CRACR2A: variants seen among roughly 807,000 people sequenced by gnomAD.
CRACR2A encodes EF-hand calcium-binding domain-containing protein 4B.
Under a neutral mutation model 90.5 loss-of-function variants are expected in CRACR2A, and 79 were observed. The observed-to-expected ratio is 0.87, with a 90% confidence interval of 0.73 to 1.05. The LOEUF (loss-of-function observed/expected upper bound fraction) is 1.05, where lower values mean the gene tolerates loss of function less well. Ranked by LOEUF, CRACR2A falls within the 50% of genes least tolerant of loss-of-function variation. The pLI is 0.00. For missense variants in CRACR2A, 823 were observed against 897.2 expected (o/e 0.92, Z 1.06); for synonymous variants, 338 against 356.7 (o/e 0.95, Z 0.59).
At chr12:3,653,261 G>T (rs866337143) in intron 10 of CRACR2A, among the ~76,000 whole-genome samples, 4 of 152,182 alleles carry the variant, frequency 2.6e-5, no homozygotes, top group African/African-American at 9.7e-5. Context: ...GATTACAGGC[G>T]TGAGCCACCG....
Position 3,648,611 on chromosome 12 carries a change from T to A in CRACR2A, c.1049A>T (p.Glu350Val), listed in dbSNP as rs141677632. 6.2e-7 allele frequency: 1 copy of A among 1,612,986 alleles called. No homozygotes were observed. Reference protein sequence around the residue: ...ACKLHQEKEMEVYRVTESLQR... With the variant: ...ACKLHQEKEMVVYRVTESLQR... ...TAGACTCTCCGTCACACGGTACACTTCCCTGAGGAGGAGGCAAACACATGG... is the reference window on the plus strand; with the variant it reads ...TAGACTCTCCGTCACACGGTACACTACCCTGAGGAGGAGGCAAACACATGG... Residue 350 changes from glutamate (E) to valine (V), a missense_variant and splice_region_variant, in exon 11 of 20, where the codon GAA becomes GTA. Transcript: ENST00000440314.
chr12:3,722,568 A>C (rs74370826), intron 2 of CRACR2A, among the ~76,000 whole-genome samples: 1,828 of 152,218 alleles, frequency 0.012, 42 homozygotes, highest in African/African-American at 0.041. Flanking sequence ...GGTAGCACTT[A>C]CAGCTGAGGG....
At chr12:3,740,355 TAA>T (rs72435936) in intron 1 of CRACR2A, among the ~76,000 whole-genome samples, 23,872 of 152,044 alleles carry the variant, frequency 0.16, 2,064 homozygotes, top group African/African-American at 0.2. Context: ...GGGAAACAGA[TAA>T]AGTCAGAGTG....
intron 2 of CRACR2A, among the ~76,000 whole-genome samples, chr12:3,720,141 A>AAAAG (rs748158240): frequency 1.6e-5 from 2 of 128,184 alleles, no homozygotes; most frequent in Non-Finnish European, 3.3e-5. Flanking sequence ...AAAGAAAAAG[A>AAAAG]AAAGAAAGAA....
intron 10 of CRACR2A, 59 bp downstream of exon 10, chr12:3,654,153 G>A (rs749670165): frequency 9.5e-6 from 15 of 1,575,966 alleles, no homozygotes; most frequent in Non-Finnish European, 1.3e-5. Flanking sequence ...GAGGGGACAT[G>A]CCCATAGTGG....
intron 12 of CRACR2A, among the ~76,000 whole-genome samples, chr12:3,642,809 C>T (rs1944597758): frequency 6.6e-6 from 1 of 152,162 alleles, no homozygotes; most frequent in Non-Finnish European, 1.5e-5. Flanking sequence ...AGATGTCTTC[C>T]AGGAGATGAG....
intron 2 of CRACR2A, chr12:3,729,925 C>A (rs974779165): frequency 1.3e-5 from 2 of 152,240 alleles, no homozygotes; most frequent in African/African-American, 4.8e-5. Context: ...TGGAGCAACA[C>A]TTCTGACTGT....
intron 13 of CRACR2A, among the ~76,000 whole-genome samples, chr12:3,639,275 A>G (rs1445443484): frequency 6.6e-6 from 1 of 152,072 alleles, no homozygotes; most frequent in African/African-American, 2.4e-5. Context: ...AGAGGCCTAA[A>G]TATCTTCTAG....
intron 4 of CRACR2A, among the ~76,000 whole-genome samples, chr12:3,680,557 T>G (rs1945429365): frequency 6.6e-6 from 1 of 152,264 alleles, no homozygotes; most frequent in Non-Finnish European, 1.5e-5. Context: ...TGCCTACGAA[T>G]GTACTAGGCC....
intron 12 of CRACR2A, among the ~76,000 whole-genome samples, chr12:3,643,908 A>AT (rs1944635004): frequency 9.1e-6 from 1 of 110,120 alleles, no homozygotes; most frequent in Non-Finnish European, 1.8e-5. Flanking sequence ...TATATTATAT[A>AT]TATTTATATT....
intron 17 of CRACR2A, among the ~76,000 whole-genome samples, chr12:3,626,789 G>A (rs993218414): frequency 1.3e-5 from 2 of 151,982 alleles, no homozygotes; most frequent in Non-Finnish European, 2.9e-5. Flanking sequence ...TGTACAAAAC[G>A]ACATACTGCA....
rs571805309 is a variant in CRACR2A, at chr12:3,678,781, C to T, written c.524+134G>A. The T allele has an allele frequency of 2.1e-4, 187 of 877,468 alleles. 2 individuals are homozygous for T. The highest frequency in any genetic ancestry group is 2.8e-4 in the Non-Finnish European group (165 of 593,660). The allele number at this position is 877,468 out of a possible 1,614,324, so 54.4% of individuals were successfully genotyped here. On this transcript the variant is annotated intron_variant, in intron 6 of 19. Coordinates refer to ENST00000440314, the MANE Select transcript of CRACR2A (RefSeq NM_001144958.2). The stretch of plus-strand genomic sequence containing the variant: ...GACAGGCCCCCACTGGCAGAACCAG[C>T]GGGCCTTTACCTGCACTGCATTCCA...
Position 3,633,938 on chromosome 12 carries a change from C to T in CRACR2A, c.1603-202G>A, listed in dbSNP as rs779139042. 3.9e-5 allele frequency among the ~76,000 whole-genome samples: 6 copies of T among 152,158 alleles called. No individual in the cohort carries two copies. The highest frequency in any genetic ancestry group is 2.1e-4 in the South Asian group (1 of 4,826). On this transcript the variant is annotated intron_variant, in intron 14 of 19. Coordinates refer to ENST00000440314, the MANE Select transcript of CRACR2A (RefSeq NM_001144958.2). This position sits in a 1 kb window ranked among gnomAD's most constrained non-coding sequence, Gnocchi z 4.5. Reference sequence around the variant, plus strand: ...GGGCATGGAGGCTTTTTCCAGCATCCGCAGGAGGAAGGAGAAACAGCCACC... The same window carrying T: ...GGGCATGGAGGCTTTTTCCAGCATCTGCAGGAGGAAGGAGAAACAGCCACC...
Position 3,673,485 on chromosome 12 carries a change from G to C in CRACR2A, c.632C>G (p.Ala211Gly), listed in dbSNP as rs1223116599. The C allele has an allele frequency of 1.2e-6, 2 of 1,614,130 alleles. No homozygotes were observed. Among genetic ancestry groups the C allele is most frequent in the Admixed American group, 3.3e-5 (2 of 60,010 alleles). ...CTCCAGTTCATTCTTCTCCTCATGG[G>C]CTTCTTGGAGCTGGGAGATGATTCT... is the stretch of plus-strand genomic sequence containing the variant. Reference protein sequence around the residue: ...LTRIISQLQEAHEEKNELECA... With the variant: ...LTRIISQLQEGHEEKNELECA... Residue 211 changes from alanine (A) to glycine (G), a missense_variant, in exon 7 of 20, where the codon GCC (alanine) becomes GGC (glycine). Physicochemically the swap from Ala to Gly is moderately conservative, Grantham distance 60. Coordinates refer to ENST00000440314, the MANE Select transcript of CRACR2A (RefSeq NM_001144958.2).
At chr12:3,743,659 C>A (rs1946565171) in intron 1 of CRACR2A, among the ~76,000 whole-genome samples, 2 of 152,162 alleles carry the variant, frequency 1.3e-5, no homozygotes, top group African/African-American at 4.8e-5. Flanking sequence ...ATGGTAAGAC[C>A]TATATCAGAA....
At chr12:3,621,899 A>G (rs1944150437) in intron 17 of CRACR2A, among the ~76,000 whole-genome samples, 3 of 151,968 alleles carry the variant, frequency 2.0e-5, no homozygotes, top group Non-Finnish European at 4.4e-5. Context: ...AAAATAAATG[A>G]GAATACCCAT....
intron 4 of CRACR2A, 57 bp from the exon 5 acceptor site, chr12:3,680,406 A>G (rs1945426546): frequency 6.1e-6 from 9 of 1,465,690 alleles, no homozygotes; most frequent in Non-Finnish European, 8.6e-6. Context: ...GGGGGAGGTG[A>G]CCTGGGACTG....
chr12:3,733,658 C>A (rs1393674153), intron 1 of CRACR2A, among the ~76,000 whole-genome samples: 1 of 152,150 alleles, frequency 6.6e-6, no homozygotes. Flanking sequence ...ACATCGTTGA[C>A]CACTGGATCA....
chr12:3,731,991 C>G (rs1946366735), intron 2 of CRACR2A: 1 of 152,188 alleles, frequency 6.6e-6, no homozygotes, highest in African/African-American at 2.4e-5. Context: ...ACTGGGAGAC[C>G]TGACATTTCT....
Sources: allele counts gnomAD v4.1 joint callset (sites outside exome capture counted in the v4.1 genomes callset), GRCh38; gene constraint gnomAD v4.1.1; non-coding constraint Gnocchi (gnomAD v3.1); transcripts MANE v1.5; gene names NCBI Gene and HGNC (gene_info 2026-07-23, HGNC 2026-07-21).